The following YES1 variants were observed in gnomAD, a reference collection of about 807,000 sequenced individuals.
The protein encoded by YES1 is tyrosine-protein kinase Yes.
In YES1, 39 loss-of-function variants were observed where a neutral mutation model predicts 70.4. That is an observed-to-expected ratio of 0.55 (90% CI 0.43 to 0.72). YES1 has a LOEUF of 0.72. Ranked by LOEUF, YES1 falls within the 30% of genes least tolerant of loss-of-function variation. YES1 has a pLI of 0.00. For missense variants in YES1, 495 were observed against 644.8 expected, an observed-to-expected ratio of 0.77 and a Z score of 2.52; for synonymous variants, 198 against 218.6, an observed-to-expected ratio of 0.91 and a Z score of 0.83.
At chr18:759,960 T>C (rs1904499985) in intron 1 of YES1, among the ~76,000 whole-genome samples, 1 of 150,428 alleles carries the variant, frequency 6.6e-6, no homozygotes, top group Non-Finnish European at 1.5e-5. Flanking sequence ...ACATGCAGTG[T>C]TTGGTTTTCT....
At chr18:791,182 G>A (rs1190027983) in intron 1 of YES1, among the ~76,000 whole-genome samples, 11 of 151,476 alleles carry the variant, frequency 7.3e-5, no homozygotes, top group Admixed American at 7.2e-4. Flanking sequence ...TCCAGGAGGC[G>A]GAGGTTGCAG....
Position 756,622 on chromosome 18 carries a change from G to GTAA in YES1, c.205_206insTTA (p.Val68_Thr69insIle), listed in dbSNP as rs1568199297. On this transcript the variant is annotated inframe_insertion, in exon 2 of 12. Coordinates refer to ENST00000314574, the MANE Select transcript of YES1 (RefSeq NM_005433.4). ...TGAGGAAGATGCACCTCCAAAAGGC[G>GTAA]TTACCCCTGAGGATCCTCCAAATGG... 1.2e-6 allele frequency: 2 copies of GTAA among 1,614,132 alleles called. No homozygotes were observed. Among genetic ancestry groups the GTAA allele is most frequent in the South Asian group, 2.2e-5 (2 of 91,066 alleles).
At chr18:761,938 G>A (rs1426582656) in intron 1 of YES1, among the ~76,000 whole-genome samples, 1 of 152,236 alleles carries the variant, frequency 6.6e-6, no homozygotes, top group Non-Finnish European at 1.5e-5. Context: ...TGTAATCCCA[G>A]AACTTTGGGA....
Position 748,028 on chromosome 18 carries a change from A to AT in YES1, c.372-11dup, listed in dbSNP as rs1223608667. 2 of 1,612,808 alleles carry AT rather than the reference A, an allele frequency of 1.2e-6. No individual in the cohort carries two copies. Among genetic ancestry groups the AT allele is most frequent in the South Asian group, 2.2e-5 (2 of 91,040 alleles). ...CCACCAATCTCCTTCCCTGCAACAC[A>AT]TAAAACAGCAATCACCGCAAGGTAG... On this transcript the variant is annotated splice_polypyrimidine_tract_variant and intron_variant, in intron 3 of 11. Coordinates refer to ENST00000314574, the MANE Select transcript of YES1 (RefSeq NM_005433.4).
chr18:766,109 T>C (rs1904896619), intron 1 of YES1, among the ~76,000 whole-genome samples: 1 of 152,222 alleles, frequency 6.6e-6, no homozygotes. Context: ...TAAAAAGAAC[T>C]GTGATTTTGT....
chr18:742,956 T>G lies in YES1; in HGVS notation c.1022A>C (p.Glu341Ala). The change falls in exon 8 of 12, where the codon GAA becomes GCA. Residue 341 changes from glutamate to alanine, a missense_variant. By Grantham distance (107) the Glu-to-Ala change is moderately radical. Coordinates refer to ENST00000314574, the MANE Select transcript of YES1 (RefSeq NM_005433.4). ...TTCAGTGACAATGTAAATTGGTTCT[T>G]CAGAAACAACAGCATATAGTGGAAC... The part of the protein sequence containing the change: ...KLVPLYAVVS[E>A]EPIYIVTEFM... 1 of 1,602,022 alleles carries G rather than the reference T, an allele frequency of 6.2e-7. No individual in the cohort carries two copies.
At chr18:810,300 T>C (rs1907308613) in intron 1 of YES1, among the ~76,000 whole-genome samples, 1 of 152,178 alleles carries the variant, frequency 6.6e-6, no homozygotes, top group African/African-American at 2.4e-5. Context: ...ATACATACCA[T>C]GAAGAAATTT....
chr18:764,788 A>G (rs1009516054), intron 1 of YES1, among the ~76,000 whole-genome samples: 1 of 151,850 alleles, frequency 6.6e-6, no homozygotes, highest in Admixed American at 6.6e-5. Flanking sequence ...GCTGGAGTGC[A>G]GTGGCGCGAT....
chr18:753,410 C>A (rs2080367397), intron 2 of YES1, among the ~76,000 whole-genome samples: 2 of 152,228 alleles, frequency 1.3e-5, no homozygotes, highest in African/African-American at 2.4e-5. Context: ...AATTTTGTAT[C>A]CTTTAGCCAA....
At chr18:728,378 G>A (rs2080046984) in intron 11 of YES1, among the ~76,000 whole-genome samples, 1 of 152,026 alleles carries the variant, frequency 6.6e-6, no homozygotes, top group Non-Finnish European at 1.5e-5. Flanking sequence ...TAGCCTGAAG[G>A]TAATTTTACA....
intron 1 of YES1, among the ~76,000 whole-genome samples, chr18:805,638 G>A (rs11876666): frequency 0.026 from 3,969 of 152,282 alleles, 180 homozygotes; most frequent in African/African-American, 0.09. Flanking sequence ...GATAGTGTTA[G>A]TGCTCTACCT....
intron 1 of YES1, among the ~76,000 whole-genome samples, chr18:774,254 A>G (rs934880442): frequency 6.6e-6 from 1 of 152,172 alleles, no homozygotes; most frequent in Non-Finnish European, 1.5e-5. Context: ...ACTGTTGCCG[A>G]AAAGACTTCT....
intron 1 of YES1, among the ~76,000 whole-genome samples, chr18:783,612 T>C (rs1905787934): frequency 7.7e-6 from 1 of 129,400 alleles, no homozygotes; most frequent in African/African-American, 3.3e-5. Flanking sequence ...TGTATCAATT[T>C]TTCTCTTTTT....
chr18:809,344 G>A (rs1907255868), intron 1 of YES1, among the ~76,000 whole-genome samples: 1 of 152,084 alleles, frequency 6.6e-6, no homozygotes, highest in Admixed American at 6.5e-5. Context: ...CTGTTGCCCA[G>A]GCTGCAATGC....
chr18:812,298 A>T (rs1907444146), upstream of YES1: 1 of 143,626 alleles, frequency 7.0e-6, no homozygotes, highest in Non-Finnish European at 1.5e-5. Flanking sequence ...CGGGCTCCCC[A>T]CGCCTCGGCC....
At chr18:798,377 C>A (rs1313769189) in intron 1 of YES1, among the ~76,000 whole-genome samples, 3 of 152,164 alleles carry the variant, frequency 2.0e-5, no homozygotes, top group East Asian at 3.8e-4. Flanking sequence ...CATCTTCTGA[C>A]AACATCCTAA....
intron 1 of YES1, among the ~76,000 whole-genome samples, chr18:783,749 G>A (rs1013312251): frequency 1.3e-5 from 2 of 151,890 alleles, no homozygotes; most frequent in African/African-American, 4.8e-5. Flanking sequence ...CCAAGTAGCT[G>A]GGATTACAGG....
chr18:736,342 GT>G, intron 10 of YES1: 1 of 155,416 alleles, frequency 6.4e-6, no homozygotes, highest in Non-Finnish European at 1.4e-5. Context: ...GGAAGGGGGG[GT>G]TTGCCTGCAC....
Position 742,900 on chromosome 18 carries a change from G to T in YES1, c.1060+18C>A, listed in dbSNP as rs1204651846. The T allele has an allele frequency of 6.4e-7, 1 of 1,551,956 alleles. No homozygotes were observed. The highest frequency in any genetic ancestry group is 1.4e-5 in the African/African-American group (1 of 72,770). On this transcript the variant is annotated intron_variant, in intron 8 of 11. Coordinates refer to ENST00000314574, the MANE Select transcript of YES1 (RefSeq NM_005433.4). The stretch of plus-strand genomic sequence containing the variant: ...AAACATTATCAACACAAATACCTAA[G>T]GAGATACTAATACATACCTTTTGAC...
Sources: allele counts gnomAD v4.1 joint callset (sites outside exome capture counted in the v4.1 genomes callset), GRCh38; gene constraint gnomAD v4.1.1; transcripts MANE v1.5; gene names NCBI Gene and HGNC (gene_info 2026-07-23, HGNC 2026-07-21).